DTNB: variants seen among roughly 807,000 people sequenced by gnomAD.
DTNB encodes dystrobrevin beta, also known as DTN-B.
In DTNB, 63 loss-of-function variants were observed where a neutral mutation model predicts 90.7. The ratio of observed to expected loss-of-function variants is 0.69; its 90% CI spans 0.57 to 0.86. The LOEUF (loss-of-function observed/expected upper bound fraction) is 0.86. Ranked by LOEUF, DTNB falls within the 40% of genes least tolerant of loss-of-function variation. DTNB has a pLI of 0.00. For synonymous variants in DTNB, 277 were observed against 286.7 expected, an observed-to-expected ratio of 0.97 and a Z score of 0.34; for missense variants, 744 against 807.1, an observed-to-expected ratio of 0.92 and a Z score of 0.95.
rs537739755 is a variant in DTNB, at chr2:25,532,106, C to T, written c.877-509G>A. On this transcript the variant is annotated intron_variant, in intron 8 of 20. Coordinates refer to ENST00000406818, the MANE Select transcript of DTNB (RefSeq NM_021907.5). ...TACTAAAAATACAAAATTAACCAGGCATGGTGGTGCATGCCTGTAATCCGT... is the reference window on the plus strand; with the variant it reads ...TACTAAAAATACAAAATTAACCAGGTATGGTGGTGCATGCCTGTAATCCGT... Among the ~76,000 whole-genome samples, 3 of 152,064 alleles carry T rather than the reference C, an allele frequency of 2.0e-5. No individual in the cohort carries two copies. In the South Asian group the frequency reaches 6.2e-4, roughly 32 times the overall value.
intron 12 of DTNB, among the ~76,000 whole-genome samples, chr2:25,446,261 G>A (rs1164414336): frequency 6.6e-6 from 1 of 152,112 alleles, no homozygotes; most frequent in African/African-American, 2.4e-5. Context: ...TTTTGAGACA[G>A]GGTCTTGCTG....
chr2:25,619,739 G>C (rs17047109), intron 4 of DTNB, among the ~76,000 whole-genome samples: 24,834 of 152,084 alleles, frequency 0.16, 2,597 homozygotes, highest in East Asian at 0.57. Flanking sequence ...AGGCTACATG[G>C]TAGGTAAAAA....
intron 1 of DTNB, among the ~76,000 whole-genome samples, chr2:25,663,587 G>T (rs577659755): frequency 1.3e-5 from 2 of 152,176 alleles, no homozygotes; most frequent in Admixed American, 6.5e-5. Flanking sequence ...AAATTCTCTG[G>T]TAAGTCTTAT....
At chr2:25,444,396 G>A (rs2058066427) in intron 12 of DTNB, among the ~76,000 whole-genome samples, 1 of 151,970 alleles carries the variant, frequency 6.6e-6, no homozygotes, top group Admixed American at 6.6e-5. Flanking sequence ...GCCGGGTGTG[G>A]TGGCAGGTGC....
At position 25,531,600 on chromosome 2, in the gene DTNB, G is replaced by A. The variant is rs369278727; in HGVS notation, c.877-3C>T. 3.7e-6 allele frequency: 6 copies of A among 1,612,844 alleles called. No homozygotes were observed. The highest frequency in any genetic ancestry group is 1.6e-4 in the Middle Eastern group (1 of 6,082). ...CTCAGCTTCTTTGCAGGAGATTTCT[G>A]TGTCAAAGCAGAAAATAGTAAGGAA... On this transcript the variant is annotated splice_region_variant and splice_polypyrimidine_tract_variant and intron_variant, in intron 8 of 20. Transcript: ENST00000406818.
intron 8 of DTNB, among the ~76,000 whole-genome samples, chr2:25,565,612 ATT>A (rs5829980): frequency 2.7e-5 from 4 of 148,964 alleles, no homozygotes; most frequent in African/African-American, 9.8e-5. Flanking sequence ...AGTTTATTGC[ATT>A]TTTTTTTTAT....
intron 17 of DTNB, 145 bp downstream of exon 17, chr2:25,388,057 C>T: frequency 7.3e-7 from 1 of 1,362,468 alleles, no homozygotes; most frequent in South Asian, 1.4e-5. Context: ...AAGGGGCCAG[C>T]ACCTGACTTA....
chr2:25,382,136 T>C (rs2037976389), intron 19 of DTNB, among the ~76,000 whole-genome samples: 1 of 152,188 alleles, frequency 6.6e-6, no homozygotes, highest in African/African-American at 2.4e-5. Context: ...TCAGAATTCC[T>C]CCCTGGGAGG....
intron 5 of DTNB, among the ~76,000 whole-genome samples, chr2:25,602,303 T>TC (rs1479065567): frequency 6.6e-6 from 1 of 152,192 alleles, no homozygotes; most frequent in African/African-American, 2.4e-5. Flanking sequence ...CTTCTTTTTT[T>TC]CCCCTTATTC....
chr2:25,623,779 A>C (rs1235297723), intron 4 of DTNB, among the ~76,000 whole-genome samples: 2 of 152,356 alleles, frequency 1.3e-5, no homozygotes, highest in South Asian at 2.1e-4. Flanking sequence ...AGGAAATAAA[A>C]CATCATTAAT....
chr2:25,501,146 G>A, intron 9 of DTNB, among the ~76,000 whole-genome samples: 1 of 151,804 alleles, frequency 6.6e-6, no homozygotes, highest in Non-Finnish European at 1.5e-5. Context: ...AAACAAAACT[G>A]AATACAGCTA....
chr2:25,549,018 A>T (rs1254629424), intron 8 of DTNB, among the ~76,000 whole-genome samples: 1 of 152,190 alleles, frequency 6.6e-6, no homozygotes, highest in Non-Finnish European at 1.5e-5. Context: ...GGTCCATCCC[A>T]ATGTTGCCTG....
rs990111114 is a variant in DTNB, at chr2:25,454,891, A to G, written c.1169+514T>C. On this transcript the variant is annotated intron_variant, in intron 11 of 20. Coordinates refer to ENST00000406818, the MANE Select transcript of DTNB (RefSeq NM_021907.5). ...CCTCAGGTGACAGTGACCCAATACC[A>G]TTGTTGGGAATCACCGGTTTAAATA... 4.6e-5 allele frequency among the ~76,000 whole-genome samples: 7 copies of G among 152,176 alleles called. No homozygotes were observed. The South Asian group carries it at 6.2e-4, about 13-fold the overall frequency.
chr2:25,492,022 C>T (rs543623463), intron 9 of DTNB, among the ~76,000 whole-genome samples: 7 of 152,032 alleles, frequency 4.6e-5, no homozygotes, highest in Admixed American at 6.5e-5. Context: ...CTCAGTCATT[C>T]GAGTGTACTG....
At chr2:25,497,400 C>G (rs1333457345) in intron 9 of DTNB, 1 of 152,254 alleles carries the variant, frequency 6.6e-6, no homozygotes, top group Non-Finnish European at 1.5e-5. Context: ...CCCACCTCCT[C>G]TCCAAGGGCC....
intron 9 of DTNB, among the ~76,000 whole-genome samples, chr2:25,524,538 G>A (rs1039294670): frequency 6.6e-6 from 1 of 151,526 alleles, no homozygotes; most frequent in Non-Finnish European, 1.5e-5. Flanking sequence ...GACATTTGTA[G>A]AACAAGTTAC....
rs542477738 is a variant in DTNB, at chr2:25,580,746, C to A, written c.684G>T (p.Met228Ile). 1 of 1,613,548 alleles carries A rather than the reference C, an allele frequency of 6.2e-7. No individual in the cohort carries two copies. Among genetic ancestry groups the A allele is most frequent in the South Asian group, 1.1e-5 (1 of 91,080 alleles). ...CATTCTCAACATGGGCAAGCCTGTGCATGAGAGGTAGCCAGACAAGGCACT... is the reference window on the plus strand; with the variant it reads ...CATTCTCAACATGGGCAAGCCTGTGAATGAGAGGTAGCCAGACAAGGCACT... Reference protein sequence around the residue: ...PPQCLVWLPLMHRLAHVENVF... With the variant: ...PPQCLVWLPLIHRLAHVENVF... The change falls in exon 7 of 21, where the codon ATG becomes ATT. Residue 228 changes from methionine to isoleucine, a missense_variant. Physicochemically the swap from Met to Ile is conservative, Grantham distance 10. Coordinates refer to ENST00000406818, the MANE Select transcript of DTNB (RefSeq NM_021907.5).
chr2:25,642,066 C>T (rs1011425519), intron 2 of DTNB, among the ~76,000 whole-genome samples: 5 of 152,226 alleles, frequency 3.3e-5, no homozygotes, highest in South Asian at 2.1e-4. Flanking sequence ...ATGATCCACC[C>T]GCCTCAGCCT....
intron 9 of DTNB, among the ~76,000 whole-genome samples, chr2:25,491,148 C>CACACACAG (rs1553453707): frequency 0.056 from 1,746 of 30,966 alleles, 41 homozygotes; most frequent in African/African-American, 0.15. Context: ...CACACACACA[C>CACACACAG]ACACACACAG....
Sources: allele counts gnomAD v4.1 joint callset (sites outside exome capture counted in the v4.1 genomes callset), GRCh38; gene constraint gnomAD v4.1.1; transcripts MANE v1.5; gene names NCBI Gene and HGNC (gene_info 2026-07-23, HGNC 2026-07-21).